The following ADAM7 variants were observed in gnomAD, a reference collection of about 807,000 sequenced individuals.
ADAM7 encodes the protein disintegrin and metalloproteinase domain-containing protein 7.
Under a neutral mutation model 102.9 loss-of-function variants are expected in ADAM7, and 97 were observed. The ratio of observed to expected loss-of-function variants is 0.94; its 90% CI spans 0.80 to 1.12. The LOEUF is 1.12. Ranked by LOEUF, ADAM7 falls within the 50% of genes most tolerant of loss-of-function variation. The pLI, the probability that ADAM7 is intolerant of heterozygous loss-of-function variation, is 0.00. For synonymous variants in ADAM7, 334 were observed against 304.4 expected (o/e 1.10, Z -1.01); for missense variants, 991 against 908.7 (o/e 1.09, Z -1.16).
At chr8:24,497,253 CT>C (rs1402407989) in intron 16 of ADAM7, among the ~76,000 whole-genome samples, 2 of 152,212 alleles carry the variant, frequency 1.3e-5, no homozygotes, top group Admixed American at 6.5e-5. Flanking sequence ...AATTAAACCT[CT>C]TTCTTTTGTA....
chr8:24,472,224 A>G (rs1037631681), intron 7 of ADAM7, among the ~76,000 whole-genome samples: 2 of 151,850 alleles, frequency 1.3e-5, no homozygotes, highest in African/African-American at 4.8e-5. Context: ...GCAAAAATGG[A>G]CAAGATTTGA....
At chr8:24,481,465 C>G (rs1192942725) in intron 8 of ADAM7, among the ~76,000 whole-genome samples, 2 of 152,114 alleles carry the variant, frequency 1.3e-5, no homozygotes, top group Non-Finnish European at 2.9e-5. Context: ...GAATATAAAA[C>G]TGATACAACA....
intron 7 of ADAM7, among the ~76,000 whole-genome samples, chr8:24,475,256 A>C (rs146339765): frequency 3.0e-4 from 46 of 152,304 alleles, no homozygotes; most frequent in African/African-American, 1.0e-3. Context: ...GATCCCTAAA[A>C]TAGCTTCAGA....
rs1819974761 is a variant in ADAM7 at position 24,482,175 on chromosome 8, G to A, written c.739G>A (p.Val247Ile). The change falls in exon 9 of 22, where the codon GTT becomes ATT. Residue 247 changes from valine (V) to isoleucine (I), a missense_variant. Coordinates refer to ENST00000175238, the MANE Select transcript of ADAM7 (RefSeq NM_003817.4). ...YKTLNIHVTL[V>I]GIEIWTHEDK... ...AACCTTAAACATCCATGTGACGTTG[G>A]TTGGCATTGAAATATGGACACATGA... is the stretch of plus-strand genomic sequence containing the variant. 1.3e-6 allele frequency: 2 copies of A among 1,594,384 alleles called. No homozygotes were observed. Among genetic ancestry groups the A allele is most frequent in the Non-Finnish European group, 1.7e-6 (2 of 1,174,376 alleles).
chr8:24,508,931 T>C lies in ADAM7; in HGVS notation c.*385T>C, dbSNP rs2129399981. The C allele has an allele frequency of 3.8e-6, 4 of 1,039,126 alleles. No individual in the cohort carries two copies. The highest frequency in any genetic ancestry group is 4.6e-6 in the Non-Finnish European group (4 of 865,874). 64.4% of individuals were successfully genotyped at this position (1,039,126 alleles called of 1,614,324 possible). A position where few individuals can be genotyped will look rare whatever the true frequency, so the allele number is the denominator to read the frequency against. ...AAACATTGCATATAAAAAGTTACTTTTTTGGAAACATAAAAGTACGTTTTA... is the reference window on the plus strand; with the variant it reads ...AAACATTGCATATAAAAAGTTACTTCTTTGGAAACATAAAAGTACGTTTTA... On this transcript the variant is annotated 3_prime_UTR_variant, in exon 22 of 22. Transcript: ENST00000175238.
At chr8:24,484,513 T>G (rs1288591908) in intron 9 of ADAM7, among the ~76,000 whole-genome samples, 1 of 152,224 alleles carries the variant, frequency 6.6e-6, no homozygotes, top group Non-Finnish European at 1.5e-5. Context: ...TGTTTTATTA[T>G]AGCTATCAAA....
At chr8:24,500,419 A>C (rs149254778) in intron 18 of ADAM7, among the ~76,000 whole-genome samples, 163 bp downstream of exon 18, 37 of 152,306 alleles carry the variant, frequency 2.4e-4, no homozygotes, top group African/African-American at 8.7e-4. Context: ...TACTGCAATT[A>C]CCTTTTACAG....
At position 24,442,553 on chromosome 8, in the gene ADAM7, C is replaced by T; in HGVS notation, c.133C>T (p.His45Tyr). 1 of 1,613,904 alleles carries T rather than the reference C, an allele frequency of 6.2e-7. No homozygotes were observed. The highest frequency in any genetic ancestry group is 1.1e-5 in the South Asian group (1 of 91,080). ...LPLIQKRDTGHTHDDDILKTY... is the reference protein window; with the variant it reads ...LPLIQKRDTGYTHDDDILKTY... Reference sequence around the variant, plus strand: ...TCTGATACAGAAGCGAGATACTGGACACACCCATGATGATGACATACTGGT... The same window carrying T: ...TCTGATACAGAAGCGAGATACTGGATACACCCATGATGATGACATACTGGT... Residue 45 changes from histidine (H) to tyrosine (Y), a missense_variant, in exon 2 of 22, where the codon CAC (histidine) becomes TAC (tyrosine). His to Tyr is a moderately conservative substitution (Grantham distance 83, BLOSUM62 2). Coordinates refer to ENST00000175238, the MANE Select transcript of ADAM7 (RefSeq NM_003817.4).
intron 9 of ADAM7, 93 bp from the exon 10 acceptor site, chr8:24,485,184 G>T (rs1275395806): frequency 2.7e-6 from 3 of 1,124,112 alleles, no homozygotes; most frequent in Admixed American, 1.9e-5. Context: ...ACATGCAAAA[G>T]CATTGGCATT....
chr8:24,500,828 G>C lies in ADAM7; in HGVS notation c.2041G>C (p.Val681Leu), dbSNP rs760753455. Residue 681 changes from valine to leucine, a missense_variant, in exon 19 of 22, where the codon GTC (valine) becomes CTC (leucine). By Grantham distance (32) the Val-to-Leu change is conservative (BLOSUM62 1). Coordinates refer to ENST00000175238, the MANE Select transcript of ADAM7 (RefSeq NM_003817.4). ...ILVVVLVLVI[V>L]GIGVLILLVR... ...GGTTGTTGTGCTTGTCCTGGTTATT[G>C]TCGGTATCGGAGTTCTTATACTATT... 3.1e-6 allele frequency: 5 copies of C among 1,613,192 alleles called. No individual in the cohort carries two copies. The highest frequency in any genetic ancestry group is 4.2e-6 in the Non-Finnish European group (5 of 1,179,538).
chr8:24,499,778 AG>A lies in ADAM7; in HGVS notation c.1924-399del, dbSNP rs1234531894. 3.4e-5 allele frequency among the ~76,000 whole-genome samples: 5 copies of A among 145,740 alleles called. 1 individual carries two copies. The highest frequency in any genetic ancestry group is 7.3e-5 in the Admixed American group (1 of 13,710). The stretch of plus-strand genomic sequence containing the variant: ...ACATCGCTCATAAGCTGGGTTAATC[AG>A]TAACACTTATATAGTAATACACACA... On this transcript the variant is annotated intron_variant, in intron 17 of 21. Transcript: ENST00000175238.
Position 24,492,090 on chromosome 8 carries a change from T to C in ADAM7, c.1544T>C (p.Phe515Ser). 6.2e-7 allele frequency: 1 copy of C among 1,612,074 alleles called. No individual in the cohort carries two copies. Among genetic ancestry groups the C allele is most frequent in the Non-Finnish European group, 8.5e-7 (1 of 1,179,126 alleles). The change falls in exon 14 of 22, where the codon TTT becomes TCT. Residue 515 changes from phenylalanine (F) to serine (S), a missense_variant. Physicochemically the swap from Phe to Ser is radical, Grantham distance 155 (BLOSUM62 -2). Coordinates refer to ENST00000175238, the MANE Select transcript of ADAM7 (RefSeq NM_003817.4). The part of the protein sequence containing the change: ...PTREDQCSEL[F>S]DDEAIESHDI... ...CGTGAGGATCAGTGCTCTGAACTATTTGATGATGGTGAGAGATAATCACAG... is the reference window on the plus strand; with the variant it reads ...CGTGAGGATCAGTGCTCTGAACTATCTGATGATGGTGAGAGATAATCACAG...
At chr8:24,482,019 G>A in intron 8 of ADAM7, 123 bp from the exon 9 acceptor site, 1 of 688,958 alleles carries the variant, frequency 1.5e-6, no homozygotes, top group Non-Finnish European at 2.3e-6. Flanking sequence ...GGCTTGCACT[G>A]TTTACTAATG....
At chr8:24,446,412 T>A (rs929975558) in intron 2 of ADAM7, among the ~76,000 whole-genome samples, 1 of 152,178 alleles carries the variant, frequency 6.6e-6, no homozygotes, top group African/African-American at 2.4e-5. Flanking sequence ...GAAACTGCTA[T>A]AAATTGATGG....
intron 4 of ADAM7, among the ~76,000 whole-genome samples, chr8:24,464,947 C>T (rs1200033345): frequency 6.6e-6 from 1 of 150,626 alleles, no homozygotes; most frequent in Non-Finnish European, 1.5e-5. Flanking sequence ...CCACCGTGCC[C>T]AGCTAATTTT....
At chr8:24,477,038 A>T (rs1357753309) in intron 8 of ADAM7, among the ~76,000 whole-genome samples, 2 of 152,190 alleles carry the variant, frequency 1.3e-5, no homozygotes, top group Non-Finnish European at 2.9e-5. Flanking sequence ...TAGGATAAAG[A>T]GACCCCATAA....
chr8:24,494,152 G>A lies in ADAM7; in HGVS notation c.1842+923G>A, dbSNP rs1585918640. Among the ~76,000 whole-genome samples the A allele has an allele frequency of 1.3e-5, 2 of 152,152 alleles. 1 individual carries two copies. The highest frequency in any genetic ancestry group is 1.3e-4 in the Admixed American group (2 of 15,280). ...CACCAAAAATATTACAGTGACATTT[G>A]TACAGTGTGATAGAGAAATACATTG... On this transcript the variant is annotated intron_variant, in intron 16 of 21. Coordinates refer to ENST00000175238, the MANE Select transcript of ADAM7 (RefSeq NM_003817.4).
intron 16 of ADAM7, among the ~76,000 whole-genome samples, chr8:24,498,917 T>C (rs1197996224): frequency 6.6e-6 from 1 of 152,044 alleles, no homozygotes; most frequent in Admixed American, 6.6e-5. Flanking sequence ...CAATTACAGT[T>C]GTAGAATCTT....
chr8:24,453,978 C>T (rs556992436), intron 3 of ADAM7, among the ~76,000 whole-genome samples: 8 of 152,180 alleles, frequency 5.3e-5, no homozygotes, highest in Non-Finnish European at 7.3e-5. Context: ...TTTTGTGAAC[C>T]GCGAATGCTG....
Sources: allele counts gnomAD v4.1 joint callset (sites outside exome capture counted in the v4.1 genomes callset), GRCh38; gene constraint gnomAD v4.1.1; transcripts MANE v1.5; gene names NCBI Gene and HGNC (gene_info 2026-07-23, HGNC 2026-07-21).